Variants in VAC14 observed in about 807,000 individuals in gnomAD.
The protein encoded by VAC14 is protein VAC14 homolog.
A neutral mutation model predicts 85.3 loss-of-function variants in VAC14; 47 were observed. The observed-to-expected ratio is 0.55, with a 90% confidence interval of 0.44 to 0.70. The LOEUF is 0.70. Ranked by LOEUF, VAC14 falls within the 30% of genes least tolerant of loss-of-function variation. The pLI, the probability that VAC14 is intolerant of heterozygous loss-of-function variation, is 0.00. For synonymous variants in VAC14, 447 were observed against 430.5 expected (o/e 1.04, Z -0.47); for missense variants, 861 against 1,004.3 (o/e 0.86, Z 1.93).
At chr16:70,788,506 A>C (rs1233479361) in intron 1 of VAC14, among the ~76,000 whole-genome samples, 1 of 152,226 alleles carries the variant, frequency 6.6e-6, no homozygotes, top group Non-Finnish European at 1.5e-5. Flanking sequence ...TGTGAACTCC[A>C]GTTCATAGGC....
intron 18 of VAC14, chr16:70,691,622 G>T (rs752393235): frequency 2.0e-6 from 2 of 985,492 alleles, no homozygotes; most frequent in Non-Finnish European, 1.2e-6. Flanking sequence ...GGTGGCAACC[G>T]GCTCAAGGCC....
intron 1 of VAC14, among the ~76,000 whole-genome samples, chr16:70,796,499 T>C (rs1286513386): frequency 6.6e-6 from 1 of 152,188 alleles, no homozygotes; most frequent in African/African-American, 2.4e-5. Flanking sequence ...AAACCAGTCA[T>C]GCAGTGGGGA....
intron 14 of VAC14, among the ~76,000 whole-genome samples, chr16:70,709,836 T>TATATTCCCTGGCTGAC (rs987757082): frequency 1.3e-5 from 2 of 152,188 alleles, no homozygotes; most frequent in South Asian, 2.1e-4. Flanking sequence ...AACTGGCTGA[T>TATATTCCCTGGCTGAC]ACATTCCCTG....
At chr16:70,741,961 C>G (rs1047459924) in intron 13 of VAC14, among the ~76,000 whole-genome samples, 6 of 152,324 alleles carry the variant, frequency 3.9e-5, no homozygotes, top group African/African-American at 1.4e-4. Context: ...TTCTGCTCCC[C>G]CATGGCACAC....
chr16:70,731,435 G>A (rs768802913), intron 14 of VAC14, 60 bp downstream of exon 14: 106 of 1,580,662 alleles, frequency 6.7e-5, no homozygotes, highest in Non-Finnish European at 8.2e-5. Flanking sequence ...CTTGAATGGC[G>A]TGAAAGTGAA....
At chr16:70,768,870 G>C (rs1414230545) in intron 10 of VAC14, 1 of 450,638 alleles carries the variant, frequency 2.2e-6, no homozygotes, top group African/African-American at 2.0e-5. Context: ...GCGCGATCTC[G>C]GCTCACTGAA....
chr16:70,736,272 C>A (rs2143005855), intron 13 of VAC14, among the ~76,000 whole-genome samples: 1 of 152,354 alleles, frequency 6.6e-6, no homozygotes, highest in African/African-American at 2.4e-5. Flanking sequence ...GCCTGCCGCA[C>A]AGTCTGCACT....
chr16:70,736,273 A>G (rs1028057400), intron 13 of VAC14, among the ~76,000 whole-genome samples: 1 of 152,264 alleles, frequency 6.6e-6, no homozygotes, highest in African/African-American at 2.4e-5. Context: ...CCTGCCGCAC[A>G]GTCTGCACTC....
chr16:70,758,807 T>A (rs913284633), intron 12 of VAC14, among the ~76,000 whole-genome samples: 1 of 152,158 alleles, frequency 6.6e-6, no homozygotes, highest in Admixed American at 6.5e-5. Flanking sequence ...AACAATCAGA[T>A]CTCTAGCTAT....
chr16:70,722,213 C>T lies in VAC14; in HGVS notation c.1661+9282G>A, dbSNP rs181095818. Among the ~76,000 whole-genome samples, 13 of 152,376 alleles carry T rather than the reference C, an allele frequency of 8.5e-5. 1 individual carries two copies. The East Asian group carries it at 2.5e-3, about 29-fold the overall frequency. On this transcript the variant is annotated intron_variant, in intron 14 of 18. Transcript: ENST00000261776. ...TCCCAAGAGCCGCTTTGGTGGCCATCCCCGCCTGGGCTATGAAGTGGACTT... is the reference window on the plus strand; with the variant it reads ...TCCCAAGAGCCGCTTTGGTGGCCATTCCCGCCTGGGCTATGAAGTGGACTT...
intron 14 of VAC14, among the ~76,000 whole-genome samples, chr16:70,723,226 G>GA (rs143836946): frequency 0.12 from 15,726 of 136,306 alleles, 1,281 homozygotes; most frequent in East Asian, 0.33. Flanking sequence ...TGTCTCAAAA[G>GA]AAAAAAAAAA....
At chr16:70,792,968 T>C (rs1030167076) in intron 1 of VAC14, among the ~76,000 whole-genome samples, 13 of 152,200 alleles carry the variant, frequency 8.5e-5, no homozygotes, top group Non-Finnish European at 1.3e-4. Context: ...TTTCCTACGG[T>C]CACCAAAGGT....
Position 70,750,297 on chromosome 16 carries a change from G to C in VAC14, c.1372-5718C>G, listed in dbSNP as rs577695610. Among the ~76,000 whole-genome samples, 32 of 152,314 alleles carry C rather than the reference G, an allele frequency of 2.1e-4. No homozygotes were observed. In the South Asian group the frequency reaches 6.4e-3, roughly 31 times the overall value. On this transcript the variant is annotated intron_variant, in intron 12 of 18. Coordinates refer to ENST00000261776, the MANE Select transcript of VAC14 (RefSeq NM_018052.5). ...GGGAGGAAGCCACACCAATTAGTAT[G>C]CGCTACACAGCTTTTTTGCAAAATG...
intron 12 of VAC14, among the ~76,000 whole-genome samples, chr16:70,750,111 C>A (rs368060882): frequency 2.2e-4 from 33 of 152,296 alleles, no homozygotes; most frequent in African/African-American, 5.3e-4. Flanking sequence ...TTACTGTGAG[C>A]CCCTCTCAAG....
chr16:70,762,452 C>G lies in VAC14; in HGVS notation c.1371+88G>C, dbSNP rs983054517. ...CAGCTTTACCTCTAGGAAGGATGCA[C>G]TGTACCAAAATAAGCATATCTCAGT... On this transcript the variant is annotated intron_variant, in intron 12 of 18. Transcript: ENST00000261776. This position sits in a 1 kb window ranked among gnomAD's most constrained non-coding sequence, Gnocchi z 4.1. 4.0e-5 allele frequency: 54 copies of G among 1,334,858 alleles called. No individual in the cohort carries two copies. Among genetic ancestry groups the G allele is most frequent in the Admixed American group, 1.1e-4 (6 of 54,354 alleles). 82.7% of individuals were successfully genotyped at this position (1,334,858 alleles called of 1,614,324 possible).
In VAC14 at chr16:70,784,205, T is replaced by C. The variant is rs2033945592; in HGVS notation, c.502A>G (p.Ser168Gly). 1 of 1,613,996 alleles carries C rather than the reference T, an allele frequency of 6.2e-7. No homozygotes were observed. The change falls in exon 5 of 19, where the codon AGC (serine) becomes GGC (glycine). Residue 168 changes from serine (S) to glycine (G), a missense_variant. Around this residue, in one of 3 missense-constraint regions of VAC14, gnomAD observed 629 missense variants for 703.1 expected, o/e 0.89. Transcript: ENST00000261776. ...AAGCTCACCAGGTCAAACTTGTTGCTCTCAGTCACAATGTCCTGTGGATCA... is the reference window on the plus strand; with the variant it reads ...AAGCTCACCAGGTCAAACTTGTTGCCCTCAGTCACAATGTCCTGTGGATCA... ...DRLLKDIVTE[S>G]NKFDLVSFIP...
chr16:70,746,197 C>G (rs1269572079), intron 12 of VAC14, among the ~76,000 whole-genome samples: 1 of 152,198 alleles, frequency 6.6e-6, no homozygotes, highest in Non-Finnish European at 1.5e-5. Flanking sequence ...GCCGGGAACC[C>G]CTTTGCTTGC....
At chr16:70,784,640 A>AC (rs2033964425) in intron 4 of VAC14, 136 bp downstream of exon 4, 1 of 861,414 alleles carries the variant, frequency 1.2e-6, no homozygotes, top group Non-Finnish European at 1.9e-6. Context: ...ATAGAACTGC[A>AC]CACCAGGGAG....
intron 13 of VAC14, among the ~76,000 whole-genome samples, chr16:70,735,311 G>T (rs2054715492): frequency 6.6e-6 from 1 of 152,130 alleles, no homozygotes; most frequent in Admixed American, 6.5e-5. Flanking sequence ...GCACAAGATA[G>T]GCAGGATGTG....
Sources: allele counts gnomAD v4.1 joint callset (sites outside exome capture counted in the v4.1 genomes callset), GRCh38; gene constraint gnomAD v4.1.1; regional missense constraint gnomAD v4.1.1; non-coding constraint Gnocchi (gnomAD v3.1); transcripts MANE v1.5; gene names NCBI Gene and HGNC (gene_info 2026-07-23, HGNC 2026-07-21).